The following CASZ1 variants were observed in gnomAD, a reference collection of about 807,000 sequenced individuals.
CASZ1 encodes the protein zinc finger protein castor homolog 1.
In CASZ1, 28 loss-of-function variants were observed where a neutral mutation model predicts 135.2. The observed-to-expected ratio is 0.21, with a 90% CI of 0.15 to 0.28. The LOEUF is 0.28. CASZ1 is among the 10% of genes least tolerant of loss of function. The pLI, the probability that CASZ1 is intolerant of heterozygous loss-of-function variation, is 1.00. For synonymous variants in CASZ1, 1,068 were observed against 1,073.4 expected (o/e 0.99, Z 0.10); for missense variants, 2,161 against 2,453.3 (o/e 0.88, Z 2.52).
chr1:10,680,133 A>G (rs1409156607), intron 4 of CASZ1, among the ~76,000 whole-genome samples: 5 of 152,146 alleles, frequency 3.3e-5, no homozygotes, highest in Non-Finnish European at 7.4e-5. Flanking sequence ...ACCAATGTGA[A>G]GGTGGGGTGT....
At chr1:10,702,627 G>A (rs1164561553) in intron 3 of CASZ1, among the ~76,000 whole-genome samples, 2 of 151,932 alleles carry the variant, frequency 1.3e-5, no homozygotes, top group East Asian at 3.9e-4. Context: ...CGCGGGGCTG[G>A]AGGCAGTGCT....
At chr1:10,742,943 C>G (rs1194696230) in intron 2 of CASZ1, among the ~76,000 whole-genome samples, 1 of 152,046 alleles carries the variant, frequency 6.6e-6, no homozygotes, top group Non-Finnish European at 1.5e-5. Flanking sequence ...CGAGATCACG[C>G]CACTGCACTC....
At chr1:10,752,765 G>A (rs1335128210) in intron 2 of CASZ1, among the ~76,000 whole-genome samples, 2 of 152,254 alleles carry the variant, frequency 1.3e-5, no homozygotes, top group Non-Finnish European at 2.9e-5. Context: ...GCCAGGTGCC[G>A]TGGCTCACGC....
intron 4 of CASZ1, among the ~76,000 whole-genome samples, chr1:10,672,006 C>T (rs935783254): frequency 2.6e-5 from 4 of 152,116 alleles, no homozygotes; most frequent in Non-Finnish European, 5.9e-5. Context: ...GTGGGAGAGG[C>T]GGCTCCTGGC....
At chr1:10,796,399 C>G (rs1360001180) in intron 1 of CASZ1, among the ~76,000 whole-genome samples, 165 bp downstream of exon 1, 2 of 152,116 alleles carry the variant, frequency 1.3e-5, no homozygotes, top group African/African-American at 2.4e-5. Context: ...GGCTGGCTGG[C>G]TGGCTCGCTC....
intron 3 of CASZ1, among the ~76,000 whole-genome samples, chr1:10,698,207 G>A (rs1355352915): frequency 1.3e-5 from 2 of 152,266 alleles, no homozygotes; most frequent in African/African-American, 4.8e-5. Flanking sequence ...AATCCTGTTA[G>A]CCAGCAATCT....
At chr1:10,750,653 A>G (rs11121610) in intron 2 of CASZ1, among the ~76,000 whole-genome samples, 56,877 of 151,878 alleles carry the variant, frequency 0.37, 11,309 homozygotes, top group African/African-American at 0.52. Context: ...TAATCCTAGC[A>G]CTTTGGGAGG....
chr1:10,698,124 C>T (rs1434604408), intron 3 of CASZ1, among the ~76,000 whole-genome samples: 2 of 152,236 alleles, frequency 1.3e-5, no homozygotes, highest in African/African-American at 4.8e-5. Context: ...GAGGGCCGCG[C>T]CGAGTGTAAG....
At chr1:10,650,827 C>T (rs980909365) in intron 12 of CASZ1, 72 bp from the exon 13 acceptor site, 2 of 1,602,564 alleles carry the variant, frequency 1.2e-6, no homozygotes, top group African/African-American at 2.7e-5. Flanking sequence ...CCTTCCCTGC[C>T]CGACCCTGGG....
chr1:10,712,831 C>G (rs1374568748), intron 2 of CASZ1, among the ~76,000 whole-genome samples: 1 of 152,264 alleles, frequency 6.6e-6, no homozygotes, highest in South Asian at 2.1e-4. Flanking sequence ...CAATCCATCT[C>G]TCCACCATGC....
intron 1 of CASZ1, among the ~76,000 whole-genome samples, chr1:10,793,700 G>A (rs2100639809): frequency 7.6e-6 from 1 of 130,734 alleles, no homozygotes; most frequent in East Asian, 2.6e-4. Context: ...CTCTAAGGTG[G>A]CTAACAAGAA....
chr1:10,667,482 G>C (rs115000947), intron 4 of CASZ1, among the ~76,000 whole-genome samples: 2 of 152,276 alleles, frequency 1.3e-5, no homozygotes, highest in African/African-American at 4.8e-5. Flanking sequence ...CCCCAAGCAC[G>C]ATGCGGGGCC....
chr1:10,650,591 A>T, intron 13 of CASZ1, 101 bp downstream of exon 13: 1 of 962,798 alleles, frequency 1.0e-6, no homozygotes, highest in Non-Finnish European at 1.7e-6. Context: ...TCATCTTATT[A>T]GAGGCAAAAC....
At chr1:10,652,942 G>A (rs962536063) in intron 11 of CASZ1, 5 of 244,754 alleles carry the variant, frequency 2.0e-5, no homozygotes, top group Non-Finnish European at 4.1e-5. Flanking sequence ...CAGGTGTGAG[G>A]TGCAGCCCCA....
rs1283235795 is a variant in CASZ1 at position 10,762,100 on chromosome 1, C to A, written c.-233-1243G>T. Reference sequence around the variant, plus strand: ...GAGGCCTTGCAGGAGTGCACGAACCCCTCCCCTCCTGCCTCCCAAGGTTGG... The same window carrying A: ...GAGGCCTTGCAGGAGTGCACGAACCACTCCCCTCCTGCCTCCCAAGGTTGG... On this transcript the variant is annotated intron_variant, in intron 1 of 20. Transcript: ENST00000377022. This position sits in a 1 kb window ranked among gnomAD's most constrained non-coding sequence, Gnocchi z 4.1. 1.3e-5 allele frequency among the ~76,000 whole-genome samples: 2 copies of A among 152,162 alleles called. No homozygotes were observed. The highest frequency in any genetic ancestry group is 2.9e-5 in the Non-Finnish European group (2 of 68,022).
intron 18 of CASZ1, among the ~76,000 whole-genome samples, chr1:10,643,785 A>T (rs1642281518): frequency 1.3e-5 from 2 of 152,216 alleles, no homozygotes; most frequent in South Asian, 4.1e-4. Context: ...ATCATGGGGC[A>T]GGTGAGGGCC....
Position 10,774,796 on chromosome 1 carries a change from T to C in CASZ1, c.-233-13939A>G, listed in dbSNP as rs367840510. On this transcript the variant is annotated intron_variant, in intron 1 of 20. Transcript: ENST00000377022. The surrounding 1 kb of genome is among the most constrained non-coding windows in gnomAD (Gnocchi z 4.4). Reference sequence around the variant, plus strand: ...TCCTCTGTCCCAGCGCCAAGTTCCCTGCAACCCACAAGCACAGTCCTGACA... The same window carrying C: ...TCCTCTGTCCCAGCGCCAAGTTCCCCGCAACCCACAAGCACAGTCCTGACA... 3.3e-5 allele frequency among the ~76,000 whole-genome samples: 5 copies of C among 152,172 alleles called. No individual in the cohort carries two copies. In the East Asian group the frequency reaches 5.8e-4, roughly 18 times the overall value.
At chr1:10,731,819 A>G (rs1029895400) in intron 2 of CASZ1, among the ~76,000 whole-genome samples, 36 of 152,164 alleles carry the variant, frequency 2.4e-4, no homozygotes, top group Admixed American at 1.8e-3. Context: ...ACCTATCAGA[A>G]AGGTTATGCG....
intron 4 of CASZ1, among the ~76,000 whole-genome samples, chr1:10,689,628 A>G (rs139223304): frequency 6.6e-6 from 1 of 152,292 alleles, no homozygotes; most frequent in Non-Finnish European, 1.5e-5. Flanking sequence ...TAGGCCTTTT[A>G]GCCTCAGTTT....
Sources: allele counts gnomAD v4.1 joint callset (sites outside exome capture counted in the v4.1 genomes callset), GRCh38; gene constraint gnomAD v4.1.1; non-coding constraint Gnocchi (gnomAD v3.1); transcripts MANE v1.5; gene names NCBI Gene and HGNC (gene_info 2026-07-23, HGNC 2026-07-21).